Variants in DCDC1 observed in about 807,000 individuals in gnomAD.
The protein encoded by DCDC1 is doublecortin domain-containing protein 1.
In DCDC1, 200 loss-of-function variants were observed where a neutral mutation model predicts 178.3. The observed-to-expected ratio is 1.12, with a 90% CI of 1.00 to 1.26. DCDC1 has a LOEUF of 1.26. DCDC1 is among the 50% of genes most tolerant of loss of function. The pLI is 0.00. For missense variants in DCDC1, 1,983 were observed against 1,749.2 expected (o/e 1.13, Z -2.38); for synonymous variants, 690 against 604.8 (o/e 1.14, Z -2.07).
chr11:31,149,120 C>T (rs531735407), intron 9 of DCDC1, among the ~76,000 whole-genome samples: 7 of 152,284 alleles, frequency 4.6e-5, no homozygotes, highest in East Asian at 1.9e-4. Context: ...ATATATACCA[C>T]GTTTTCTTAA....
intron 20 of DCDC1, among the ~76,000 whole-genome samples, chr11:31,000,928 T>C (rs887738572): frequency 2.0e-5 from 3 of 152,206 alleles, no homozygotes; most frequent in Admixed American, 6.5e-5. Context: ...TACATGTATA[T>C]ACAAATTTGT....
intron 9 of DCDC1, among the ~76,000 whole-genome samples, chr11:31,138,689 C>T (rs948792234): frequency 3.9e-5 from 6 of 152,178 alleles, no homozygotes; most frequent in African/African-American, 1.4e-4. Context: ...TTGAAGTAAG[C>T]TTTCTCAATT....
At chr11:31,076,064 G>A (rs970996415) in intron 18 of DCDC1, among the ~76,000 whole-genome samples, 5 of 152,220 alleles carry the variant, frequency 3.3e-5, no homozygotes, top group Non-Finnish European at 5.9e-5. Context: ...TCTCCATGTT[G>A]GTCAGGCTGG....
At chr11:30,990,257 A>G (rs1160126392) in intron 20 of DCDC1, among the ~76,000 whole-genome samples, 2 of 152,198 alleles carry the variant, frequency 1.3e-5, no homozygotes, top group Non-Finnish European at 2.9e-5. Context: ...ATACAAAAAC[A>G]TTCTTCTTAT....
chr11:30,943,754 T>A (rs1309073335), intron 21 of DCDC1: 1 of 379,990 alleles, frequency 2.6e-6, no homozygotes, highest in Non-Finnish European at 5.2e-6. Flanking sequence ...AATACTGATA[T>A]CCCTAGATAT....
intron 8 of DCDC1, among the ~76,000 whole-genome samples, chr11:31,245,363 G>C (rs141056131): frequency 9.9e-5 from 15 of 151,642 alleles, no homozygotes; most frequent in Non-Finnish European, 2.1e-4. Flanking sequence ...TGGTACTGCA[G>C]ATATACTGTA....
chr11:31,118,785 C>A (rs1960358314), intron 11 of DCDC1, among the ~76,000 whole-genome samples: 1 of 152,186 alleles, frequency 6.6e-6, no homozygotes, highest in Non-Finnish European at 1.5e-5. Flanking sequence ...ATTCTCCGGG[C>A]ACCTTCTAGG....
At chr11:31,019,968 A>G (rs968205296) in intron 20 of DCDC1, among the ~76,000 whole-genome samples, 2 of 152,056 alleles carry the variant, frequency 1.3e-5, no homozygotes, top group Non-Finnish European at 2.9e-5. Context: ...TGTGCTGTAT[A>G]ACGCACCTCA....
chr11:31,106,700 T>C (rs1958871624), intron 13 of DCDC1, 97 bp downstream of exon 13: 1 of 707,356 alleles, frequency 1.4e-6, no homozygotes, highest in East Asian at 2.5e-5. Context: ...AAATAAAAAA[T>C]GTTTCATGAA....
chr11:31,022,509 G>A (rs896960642), intron 20 of DCDC1, among the ~76,000 whole-genome samples: 1 of 151,740 alleles, frequency 6.6e-6, no homozygotes, highest in African/African-American at 2.4e-5. Flanking sequence ...TATCTTTTGG[G>A]GATACAATTC....
intron 1 of DCDC1, among the ~76,000 whole-genome samples, 186 bp from the exon 2 acceptor site, chr11:31,335,750 G>A (rs1950241040): frequency 6.6e-6 from 1 of 152,142 alleles, no homozygotes; most frequent in Non-Finnish European, 1.5e-5. Context: ...AGTACCTGGA[G>A]GCTGGGGACC....
At chr11:31,042,648 C>G (rs1954543993) in intron 20 of DCDC1, among the ~76,000 whole-genome samples, 1 of 152,066 alleles carries the variant, frequency 6.6e-6, no homozygotes, top group Admixed American at 6.5e-5. Context: ...GTTGAAATAT[C>G]TGTATACAAC....
chr11:31,249,978 A>G (rs1040434998), intron 8 of DCDC1, among the ~76,000 whole-genome samples: 1 of 152,076 alleles, frequency 6.6e-6, no homozygotes, highest in African/African-American at 2.4e-5. Context: ...GAACAGAGAG[A>G]GAGATTCTTG....
At chr11:31,091,081 T>G (rs1046369206) in intron 17 of DCDC1, among the ~76,000 whole-genome samples, 1 of 152,210 alleles carries the variant, frequency 6.6e-6, no homozygotes, top group African/African-American at 2.4e-5. Context: ...TTTAAGTTTG[T>G]TAATTAACAA....
chr11:31,218,749 T>G (rs1973886747), intron 9 of DCDC1, among the ~76,000 whole-genome samples: 2 of 152,206 alleles, frequency 1.3e-5, no homozygotes, highest in South Asian at 4.1e-4. Flanking sequence ...CAAACCTATA[T>G]TCTAACTTTT....
chr11:31,360,970 A>G (rs4922859), intron 1 of DCDC1, among the ~76,000 whole-genome samples: 102,446 of 152,012 alleles, frequency 0.67, 35,240 homozygotes, highest in African/African-American at 0.79. Flanking sequence ...CAGTACCAAG[A>G]TTATTAAATT....
At chr11:30,997,872 C>T (rs937152312) in intron 20 of DCDC1, among the ~76,000 whole-genome samples, 7 of 152,002 alleles carry the variant, frequency 4.6e-5, no homozygotes, top group African/African-American at 7.2e-5. Flanking sequence ...TCTAAATAGC[C>T]TTCTCCCCAT....
intron 36 of DCDC1, among the ~76,000 whole-genome samples, chr11:30,891,860 G>A (rs1943805439): frequency 6.6e-6 from 1 of 152,148 alleles, no homozygotes; most frequent in African/African-American, 2.4e-5. Flanking sequence ...TCAAAGAAGA[G>A]TGGTCTCCCT....
chr11:31,261,376 G>T (rs1944769767), intron 8 of DCDC1, among the ~76,000 whole-genome samples: 1 of 152,064 alleles, frequency 6.6e-6, no homozygotes, highest in South Asian at 2.1e-4. Context: ...TTATTTTGGT[G>T]GGCGTGATTT....
Sources: gnomAD v4.1 joint callset for allele counts (sites outside exome capture counted in the v4.1 genomes callset) on GRCh38, gnomAD v4.1.1 for gene constraint, MANE v1.5 for transcripts, NCBI Gene and HGNC (gene_info 2026-07-23, HGNC 2026-07-21) for gene names.